The following KIAA1549 variants were observed in gnomAD, a reference collection of about 807,000 sequenced individuals.
KIAA1549 encodes KIAA1549.
Under a neutral mutation model 156.4 loss-of-function variants are expected in KIAA1549, and 70 were observed. That is an observed-to-expected ratio of 0.45 (90% CI 0.37 to 0.55). The LOEUF is 0.55. Ranked by LOEUF, KIAA1549 falls within the 20% of genes least tolerant of loss-of-function variation. KIAA1549 has a pLI of 0.00. For synonymous variants in KIAA1549, 1,103 were observed against 1,066.4 expected (o/e 1.03, Z -0.67); for missense variants, 2,428 against 2,540.9 (o/e 0.96, Z 0.96).
chr7:138,968,672 C>A (rs970140689), intron 1 of KIAA1549, among the ~76,000 whole-genome samples: 6 of 151,418 alleles, frequency 4.0e-5, no homozygotes, highest in Admixed American at 1.3e-4. Context: ...ACGGTGAAAC[C>A]CCGTCTCTAC....
intron 10 of KIAA1549, among the ~76,000 whole-genome samples, chr7:138,890,716 G>A (rs986677381): frequency 4.6e-5 from 7 of 152,210 alleles, no homozygotes; most frequent in African/African-American, 1.7e-4. Flanking sequence ...GGCTGAGATG[G>A]AACGATATGC....
intron 1 of KIAA1549, among the ~76,000 whole-genome samples, chr7:138,944,509 T>C (rs1460106738): frequency 1.3e-4 from 20 of 152,224 alleles, no homozygotes; most frequent in Non-Finnish European, 4.4e-5. Flanking sequence ...AAGTTAAACA[T>C]AGAATTATCA....
In KIAA1549 at chr7:138,833,638, A is replaced by C. The variant is rs1208262238; in HGVS notation, c.*4268T>G. On this transcript the variant is annotated 3_prime_UTR_variant, in exon 20 of 20. Coordinates refer to ENST00000422774, the MANE Select transcript of KIAA1549 (RefSeq NM_001164665.2). Reference sequence around the variant, plus strand: ...GAAAAATGTGTAGGTAGCAGTAAAGAAGCTGAATATATATATAGATAGATA... The same window carrying C: ...GAAAAATGTGTAGGTAGCAGTAAAGCAGCTGAATATATATATAGATAGATA... 8.6e-6 allele frequency: 2 copies of C among 232,406 alleles called. No individual in the cohort carries two copies. The highest frequency in any genetic ancestry group is 6.1e-5 in the East Asian group (1 of 16,516). 14.4% of individuals were successfully genotyped at this position (232,406 alleles called of 1,614,324 possible).
Position 138,919,379 on chromosome 7 carries a change from T to G in KIAA1549, c.247A>C (p.Lys83Gln), listed in dbSNP as rs745411607. 6.2e-7 allele frequency: 1 copy of G among 1,614,046 alleles called. No individual in the cohort carries two copies. Among genetic ancestry groups the G allele is most frequent in the Admixed American group, 1.7e-5 (1 of 60,026 alleles). Residue 83 changes from lysine to glutamine, a missense_variant, in exon 2 of 20, where the codon AAA becomes CAA. Transcript: ENST00000422774. ...SLYSMELVLK[K>Q]STGHSAAQVA... The stretch of plus-strand genomic sequence containing the variant: ...TGTGCAGCGCTGTGCCCAGTGCTTT[T>G]CTTCAGCACGAGCTCCATGGAGTAT...
At chr7:138,849,557 T>C (rs2130344917) in intron 17 of KIAA1549, among the ~76,000 whole-genome samples, 1 of 152,282 alleles carries the variant, frequency 6.6e-6, no homozygotes, top group Non-Finnish European at 1.5e-5. Flanking sequence ...AATTTTCTTT[T>C]TTTTTTTTAA....
rs188985731 is a variant in KIAA1549 at position 138,908,991 on chromosome 7, C to T, written c.3276G>A (p.Gln1092=). ...GCTCTGCATTCAGTGATATTCTCAC[C>T]TGCACCGTGAGGTTATACGTTCCCT... The part of the protein sequence containing the change: ...HHQGTYNLTV[Q]ILNITISSSR... The change falls in exon 5 of 20, where the codon CAG becomes CAA. Residue 1092 remains glutamine (Q), a splice_region_variant and synonymous_variant. Coordinates refer to ENST00000422774, the MANE Select transcript of KIAA1549 (RefSeq NM_001164665.2). The T allele has an allele frequency of 6.2e-7, 1 of 1,613,984 alleles. No individual in the cohort carries two copies. The highest frequency in any genetic ancestry group is 2.2e-5 in the East Asian group (1 of 44,888).
chr7:138,951,895 T>A (rs1464326315), intron 1 of KIAA1549, among the ~76,000 whole-genome samples: 1 of 152,124 alleles, frequency 6.6e-6, no homozygotes, highest in Non-Finnish European at 1.5e-5. Context: ...AACTGCTTGG[T>A]TTTAACAAAT....
Position 138,893,588 on chromosome 7 carries a change from T to A in KIAA1549, c.4032+754A>T, listed in dbSNP as rs539126756. ...GGATTGGCAAATAAATGTCCATTCATATATTTTAAGTTAAAATGTTCAAGG... is the reference window on the plus strand; with the variant it reads ...GGATTGGCAAATAAATGTCCATTCAAATATTTTAAGTTAAAATGTTCAAGG... On this transcript the variant is annotated intron_variant, in intron 10 of 19. Coordinates refer to ENST00000422774, the MANE Select transcript of KIAA1549 (RefSeq NM_001164665.2). 2.6e-5 allele frequency among the ~76,000 whole-genome samples: 4 copies of A among 152,372 alleles called. No individual in the cohort carries two copies. In the East Asian group the frequency reaches 7.7e-4, roughly 29 times the overall value.
intron 12 of KIAA1549, among the ~76,000 whole-genome samples, chr7:138,875,237 T>C (rs1811047814): frequency 6.6e-6 from 1 of 152,108 alleles, no homozygotes; most frequent in Non-Finnish European, 1.5e-5. Context: ...CCATAAATAT[T>C]TGCAAGTATT....
intron 1 of KIAA1549, among the ~76,000 whole-genome samples, chr7:138,960,909 T>C (rs1813826788): frequency 6.6e-6 from 1 of 152,168 alleles, no homozygotes; most frequent in African/African-American, 2.4e-5. Context: ...TGCTGGGAAA[T>C]TCTAAAAGCA....
Position 138,961,846 on chromosome 7 carries a change from G to GA in KIAA1549, c.187+19236dup, listed in dbSNP as rs35074532. Among the ~76,000 whole-genome samples, 386 of 93,996 alleles carry GA rather than the reference G, an allele frequency of 4.1e-3. 1 individual carries two copies. Among genetic ancestry groups the GA allele is most frequent in the Admixed American group, 6.9e-3 (53 of 7,630 alleles). 61.7% of individuals were successfully genotyped at this position (93,996 alleles called of 152,430 possible). On this transcript the variant is annotated intron_variant, in intron 1 of 19. Transcript: ENST00000422774. ...GACAGATAGAGGCTCTGTCTCTTAA[G>GA]AAAAAAAAAAAAAAAGAAAGAAAAG...
chr7:138,963,281 A>T (rs565647152), intron 1 of KIAA1549, among the ~76,000 whole-genome samples: 16 of 152,384 alleles, frequency 1.0e-4, no homozygotes, highest in African/African-American at 3.8e-4. Context: ...CAAAAGGTGC[A>T]GGAGAGAGAT....
intron 12 of KIAA1549, among the ~76,000 whole-genome samples, chr7:138,878,805 C>G (rs1185210721): frequency 7.4e-6 from 1 of 135,880 alleles, no homozygotes; most frequent in Non-Finnish European, 1.7e-5. Flanking sequence ...TCCCAATGAT[C>G]TTTGCATTAC....
chr7:138,980,998 G>A, intron 1 of KIAA1549, 85 bp downstream of exon 1: 1 of 1,142,252 alleles, frequency 8.8e-7, no homozygotes, highest in Non-Finnish European at 1.1e-6. Context: ...AAGAGGATGG[G>A]CGGGGAAAGC....
intron 1 of KIAA1549, among the ~76,000 whole-genome samples, chr7:138,921,772 G>A (rs1472971730): frequency 6.6e-6 from 1 of 152,148 alleles, no homozygotes; most frequent in Non-Finnish European, 1.5e-5. Context: ...GGCTGAGGCA[G>A]GAGAATCGCT....
chr7:138,964,432 T>C (rs73732913), intron 1 of KIAA1549, among the ~76,000 whole-genome samples: 6,413 of 152,236 alleles, frequency 0.042, 459 homozygotes, highest in African/African-American at 0.15. Context: ...TCCTCATCTG[T>C]AAAATGGGGA....
At chr7:138,921,744 C>T (rs1812571035) in intron 1 of KIAA1549, among the ~76,000 whole-genome samples, 1 of 151,938 alleles carries the variant, frequency 6.6e-6, no homozygotes, top group Admixed American at 6.6e-5. Context: ...ACACACCTGT[C>T]ATCCCAGCTA....
intron 1 of KIAA1549, among the ~76,000 whole-genome samples, chr7:138,940,519 G>A (rs1813153446): frequency 1.3e-5 from 2 of 151,296 alleles, no homozygotes; most frequent in South Asian, 4.3e-4. Flanking sequence ...TAATCCTTTG[G>A]GTATATACCC....
intron 19 of KIAA1549, among the ~76,000 whole-genome samples, chr7:138,838,441 A>C (rs1413388686): frequency 6.6e-6 from 1 of 152,126 alleles, no homozygotes; most frequent in Non-Finnish European, 1.5e-5. Flanking sequence ...TGACAAGGGG[A>C]ACAGGTGCCT....
Sources: allele counts gnomAD v4.1 joint callset (sites outside exome capture counted in the v4.1 genomes callset), GRCh38; gene constraint gnomAD v4.1.1; transcripts MANE v1.5; gene names NCBI Gene and HGNC (gene_info 2026-07-23, HGNC 2026-07-21).